DRC8: variants seen among roughly 807,000 people sequenced by gnomAD.
The protein encoded by DRC8 is dynein regulatory complex protein 8.
At chr1:244,997,883 T>C in the DRC8 span, among the ~76,000 whole-genome samples, 1 of 152,246 alleles carries the variant, frequency 6.6e-6, no homozygotes, top group Middle Eastern at 3.4e-3. Flanking sequence ...CTGTCATTCT[T>C]TGTCACTGTC....
At chr1:244,985,557 C>G in the DRC8 span, among the ~76,000 whole-genome samples, 1 of 152,066 alleles carries the variant, frequency 6.6e-6, no homozygotes, top group Non-Finnish European at 1.5e-5. Flanking sequence ...GAGGAGAGAA[C>G]CATTAAAGAG....
the DRC8 span, among the ~76,000 whole-genome samples, chr1:244,989,699 C>T: frequency 1.3e-5 from 2 of 152,178 alleles, no homozygotes; most frequent in Non-Finnish European, 2.9e-5. Context: ...GCAGCCCACA[C>T]TCAAGGAGTA....
chr1:245,110,181 G>A, the DRC8 span, among the ~76,000 whole-genome samples: 24 of 152,028 alleles, frequency 1.6e-4, no homozygotes, highest in African/African-American at 5.6e-4. Flanking sequence ...TCAGGAGTTC[G>A]AGACCAGCCT....
chr1:245,003,759 T>A, the DRC8 span, among the ~76,000 whole-genome samples: 7 of 151,876 alleles, frequency 4.6e-5, no homozygotes, highest in African/African-American at 1.7e-4. Flanking sequence ...CCAGCTAAAT[T>A]TAAATTTTAG....
the DRC8 span, among the ~76,000 whole-genome samples, chr1:245,080,621 A>C: frequency 6.6e-6 from 1 of 152,056 alleles, no homozygotes; most frequent in African/African-American, 2.4e-5. Flanking sequence ...CCTTACTCAT[A>C]ATGAATGCAG....
the DRC8 span, among the ~76,000 whole-genome samples, chr1:244,975,438 A>G: frequency 6.6e-6 from 1 of 152,214 alleles, no homozygotes; most frequent in Non-Finnish European, 1.5e-5. Context: ...CCGAGATGCT[A>G]AACATAAGTA....
the DRC8 span, among the ~76,000 whole-genome samples, chr1:244,993,723 T>G: frequency 6.6e-6 from 1 of 152,218 alleles, no homozygotes; most frequent in African/African-American, 2.4e-5. Context: ...GCCTTCTTGC[T>G]GCATCATAAC....
At chr1:245,104,875 C>T in the DRC8 span, among the ~76,000 whole-genome samples, 7 of 152,228 alleles carry the variant, frequency 4.6e-5, no homozygotes, top group Non-Finnish European at 1.0e-4. Context: ...TGGTTTATTC[C>T]AATCAGGATC....
At chr1:244,971,097 A>G in the DRC8 span, 1 of 153,790 alleles carries the variant, frequency 6.5e-6, no homozygotes, top group African/African-American at 2.4e-5. Flanking sequence ...ATGAGGACGC[A>G]GGAGGACGGT....
the DRC8 span, among the ~76,000 whole-genome samples, chr1:244,980,040 TAAAA>T: frequency 1.4e-3 from 48 of 34,736 alleles, no homozygotes; most frequent in East Asian, 7.3e-3. Flanking sequence ...CCGTCTCTAC[TAAAA>T]AAAAAAAAAA....
the DRC8 span, among the ~76,000 whole-genome samples, chr1:245,043,267 A>G: frequency 6.6e-6 from 1 of 152,102 alleles, no homozygotes; most frequent in African/African-American, 2.4e-5. Flanking sequence ...CTCTGTCTCT[A>G]CTAAAAACAC....
the DRC8 span, among the ~76,000 whole-genome samples, chr1:245,120,943 G>A: frequency 6.6e-6 from 1 of 152,242 alleles, no homozygotes; most frequent in African/African-American, 2.4e-5. Flanking sequence ...CCGGACAGTG[G>A]AGGTGTTGAC....
chr1:244,988,962 T>C, the DRC8 span, among the ~76,000 whole-genome samples: 1 of 152,244 alleles, frequency 6.6e-6, no homozygotes, highest in Non-Finnish European at 1.5e-5. Flanking sequence ...TGTAAGAATA[T>C]GATCTTTAAA....
chr1:245,025,029 T>C, the DRC8 span, among the ~76,000 whole-genome samples: 1 of 152,206 alleles, frequency 6.6e-6, no homozygotes, highest in Non-Finnish European at 1.5e-5. Context: ...ACTCTACTTT[T>C]ACTTTCTGGC....
At chr1:244,997,555 T>C in the DRC8 span, among the ~76,000 whole-genome samples, 8 of 151,698 alleles carry the variant, frequency 5.3e-5, no homozygotes, top group African/African-American at 1.7e-4. Flanking sequence ...TTTATTTTTA[T>C]TTTTTGAGAC....
the DRC8 span, among the ~76,000 whole-genome samples, chr1:245,098,492 A>T: frequency 9.2e-5 from 14 of 152,324 alleles, no homozygotes; most frequent in East Asian, 1.9e-3. Flanking sequence ...ACATAGTATC[A>T]GGGCAATCCC....
the DRC8 span, among the ~76,000 whole-genome samples, chr1:245,005,787 T>C: frequency 1.3e-5 from 2 of 152,184 alleles, no homozygotes; most frequent in Non-Finnish European, 2.9e-5. Flanking sequence ...GTATGCTACA[T>C]GATTACATAG....
At chr1:245,014,907 A>G in the DRC8 span, among the ~76,000 whole-genome samples, 1 of 152,240 alleles carries the variant, frequency 6.6e-6, no homozygotes, top group African/African-American at 2.4e-5. Context: ...AATGCCATAT[A>G]TAAAAGAATA....
the DRC8 span, among the ~76,000 whole-genome samples, chr1:245,105,237 A>G: frequency 6.6e-6 from 1 of 152,092 alleles, no homozygotes; most frequent in African/African-American, 2.4e-5. Flanking sequence ...GTCACTCCTC[A>G]TACTCAGTAG....
Sources: allele counts gnomAD v4.1 joint callset (sites outside exome capture counted in the v4.1 genomes callset), GRCh38; gene constraint gnomAD v4.1.1; transcripts MANE v1.5; gene names NCBI Gene and HGNC (gene_info 2026-07-23, HGNC 2026-07-21).